The following RASSF3 variants were observed in gnomAD, a reference collection of about 807,000 sequenced individuals.
RASSF3 encodes Ras association domain family member 3.
Under a neutral mutation model 19.9 loss-of-function variants are expected in RASSF3, and 19 were observed. The observed-to-expected ratio is 0.96, with a 90% CI of 0.67 to 1.40. The LOEUF (loss-of-function observed/expected upper bound fraction) is 1.40, where lower values mean the gene tolerates loss of function less well. Ranked by LOEUF, RASSF3 falls within the 40% of genes most tolerant of loss-of-function variation. RASSF3 has a pLI of 0.00. For missense variants in RASSF3, 306 were observed against 289.8 expected (o/e 1.06, Z -0.41); for synonymous variants, 110 against 104.2 (o/e 1.06, Z -0.34).
At chr12:64,567,759 GC>G (rs1869453776) in intron 2 of RASSF3, among the ~76,000 whole-genome samples, 1 of 152,218 alleles carries the variant, frequency 6.6e-6, no homozygotes, top group Non-Finnish European at 1.5e-5. Context: ...GGAGCTACTG[GC>G]CTGGGAGATG....
chr12:64,643,489 A>G (rs1871619474), intron 1 of RASSF3, among the ~76,000 whole-genome samples: 1 of 151,972 alleles, frequency 6.6e-6, no homozygotes, highest in Non-Finnish European at 1.5e-5. Flanking sequence ...GTATGGGATG[A>G]TTGTTCTTGT....
chr12:64,635,541 A>G (rs1871303308), intron 1 of RASSF3, among the ~76,000 whole-genome samples: 1 of 152,146 alleles, frequency 6.6e-6, no homozygotes, highest in Admixed American at 6.6e-5. Context: ...CACTTGCAAT[A>G]CCTTTTACCC....
intron 1 of RASSF3, among the ~76,000 whole-genome samples, chr12:64,680,549 C>G (rs1592466272): frequency 6.6e-6 from 1 of 152,104 alleles, no homozygotes; most frequent in South Asian, 2.1e-4. Context: ...TTAAAAAGTA[C>G]AGCATCAGGG....
At chr12:64,533,081 T>C (rs1868748290), upstream of RASSF3, among the ~76,000 whole-genome samples, 1 of 152,160 alleles carries the variant, frequency 6.6e-6, no homozygotes, top group Admixed American at 6.5e-5. Context: ...ACGGTCCCTG[T>C]GAGCAGAGCT....
chr12:64,604,602 C>G (rs1870154159), intron 2 of RASSF3, among the ~76,000 whole-genome samples: 1 of 151,696 alleles, frequency 6.6e-6, no homozygotes, highest in African/African-American at 2.4e-5. Context: ...CTATTAAGAG[C>G]CTGTCCTCCA....
At chr12:64,535,348 A>G (rs757338832) in intron 1 of RASSF3, among the ~76,000 whole-genome samples, 6 of 152,198 alleles carry the variant, frequency 3.9e-5, no homozygotes, top group Non-Finnish European at 7.4e-5. Flanking sequence ...AACATTTACA[A>G]TAAGGGATAA....
At chr12:64,693,718 C>T (rs1193965959) in intron 4 of RASSF3, among the ~76,000 whole-genome samples, 2 of 152,296 alleles carry the variant, frequency 1.3e-5, no homozygotes, top group East Asian at 3.9e-4. Context: ...TAGGCATGAG[C>T]CACAATGCCC....
At chr12:64,658,098 G>C (rs912030516) in intron 1 of RASSF3, among the ~76,000 whole-genome samples, 4 of 152,162 alleles carry the variant, frequency 2.6e-5, no homozygotes, top group Non-Finnish European at 5.9e-5. Context: ...CCCTGTGGTA[G>C]AAGTGTGGGT....
intron 1 of RASSF3, among the ~76,000 whole-genome samples, chr12:64,514,393 G>T (rs111784146): frequency 0.03 from 4,563 of 151,966 alleles, 223 homozygotes; most frequent in African/African-American, 0.1. Context: ...CACCATGTTG[G>T]CCAGGATGGT....
intron 2 of RASSF3, among the ~76,000 whole-genome samples, chr12:64,579,346 CT>C (rs1265939630): frequency 2.2e-3 from 254 of 117,052 alleles, no homozygotes; most frequent in African/African-American, 5.3e-3. Context: ...TAGCCAAGTT[CT>C]TTTTTTTTTT....
chr12:64,633,910 G>A (rs1343878426), intron 1 of RASSF3, among the ~76,000 whole-genome samples: 1 of 152,166 alleles, frequency 6.6e-6, no homozygotes, highest in East Asian at 1.9e-4. Context: ...GAGGTGGGAG[G>A]ATTGCTTGAG....
intron 2 of RASSF3, among the ~76,000 whole-genome samples, chr12:64,548,110 G>T (rs1206775836): frequency 6.6e-6 from 1 of 152,092 alleles, no homozygotes; most frequent in Non-Finnish European, 1.5e-5. Context: ...GAGCTCTAAG[G>T]TGTAATATTT....
intron 2 of RASSF3, among the ~76,000 whole-genome samples, chr12:64,550,324 GGAGGA>G (rs1158684540): frequency 2.0e-5 from 3 of 151,944 alleles, no homozygotes; most frequent in Non-Finnish European, 2.9e-5. Context: ...AGAGGGGAGA[GGAGGA>G]GAGGAGAGGA....
chr12:64,580,816 A>G (rs1209745098), intron 2 of RASSF3, among the ~76,000 whole-genome samples: 1 of 151,782 alleles, frequency 6.6e-6, no homozygotes, highest in Admixed American at 6.6e-5. Context: ...CTGTGTCCAA[A>G]CTTCCCTCTT....
chr12:64,602,111 T>A (rs1870102934), intron 2 of RASSF3, among the ~76,000 whole-genome samples: 1 of 143,216 alleles, frequency 7.0e-6, no homozygotes. Flanking sequence ...AGCGACTTCG[T>A]CTCAGAAAAA....
chr12:64,690,758 A>G (rs1296144683), intron 3 of RASSF3, among the ~76,000 whole-genome samples: 1 of 151,672 alleles, frequency 6.6e-6, no homozygotes, highest in African/African-American at 2.4e-5. Context: ...TGTTGGGATT[A>G]CAGGTGCGAG....
chr12:64,670,599 G>A (rs1056108884), intron 1 of RASSF3, among the ~76,000 whole-genome samples: 18 of 149,008 alleles, frequency 1.2e-4, no homozygotes, highest in Non-Finnish European at 1.9e-4. Flanking sequence ...TCTTCTGTAG[G>A]TATCTTAACA....
chr12:64,520,355 G>T (rs1256232179), intron 1 of RASSF3, among the ~76,000 whole-genome samples: 1 of 151,562 alleles, frequency 6.6e-6, no homozygotes, highest in East Asian at 1.9e-4. Flanking sequence ...TAGAGATGGG[G>T]TTTTATTATG....
exon 1 of RASSF3, chr12:64,507,051 G>T (rs1868296476): frequency 2.5e-6 from 1 of 397,002 alleles, no homozygotes; most frequent in Admixed American, 4.4e-5. Context: ...CAAGCCAAAA[G>T]AATGACAGAG....
Sources: allele counts gnomAD v4.1 joint callset (sites outside exome capture counted in the v4.1 genomes callset), GRCh38; gene constraint gnomAD v4.1.1; transcripts MANE v1.5; gene names NCBI Gene and HGNC (gene_info 2026-07-23, HGNC 2026-07-21).